Variants in CDK14 observed in about 807,000 individuals in gnomAD.
CDK14 encodes the protein cyclin-dependent kinase 14.
CDK14 carries 34 observed loss-of-function variants against 60.7 expected under a neutral mutation model. That is an observed-to-expected ratio of 0.56 (90% CI 0.43 to 0.75). CDK14 has a LOEUF of 0.75. CDK14 is among the 30% of genes least tolerant of loss of function. CDK14 has a pLI of 0.00. For synonymous variants in CDK14, 197 were observed against 203.7 expected, an observed-to-expected ratio of 0.97 and a Z score of 0.28; for missense variants, 482 against 564.1, an observed-to-expected ratio of 0.85 and a Z score of 1.47.
chr7:90,811,909 A>AC (rs1405496962), intron 5 of CDK14, among the ~76,000 whole-genome samples: 1 of 152,252 alleles, frequency 6.6e-6, no homozygotes, highest in African/African-American at 2.4e-5. Flanking sequence ...AATCAAAGCC[A>AC]CAATGAGATA....
At chr7:91,034,923 T>C (rs1013357003) in intron 10 of CDK14, among the ~76,000 whole-genome samples, 9 of 136,276 alleles carry the variant, frequency 6.6e-5, no homozygotes, top group Admixed American at 4.0e-4. Context: ...CACACCTGTG[T>C]ACACACACAC....
chr7:90,665,839 A>C (rs200126250), intron 2 of CDK14, among the ~76,000 whole-genome samples: 2 of 75,406 alleles, frequency 2.7e-5, no homozygotes. Context: ...GTAGACTGGG[A>C]AGTTGCTTCA....
Position 91,080,741 on chromosome 7 carries a change from A to G in CDK14, c.1154+1261A>G, listed in dbSNP as rs762776011. Among the ~76,000 whole-genome samples, 35 of 152,312 alleles carry G rather than the reference A, an allele frequency of 2.3e-4. No homozygotes were observed. In the Middle Eastern group the frequency reaches 0.014, roughly 59 times the overall value. On this transcript the variant is annotated intron_variant, in intron 12 of 14. Transcript: ENST00000380050. ...CATCATTCCTTCCAACCAGATAACC[A>G]CTTTATGAAACAATTCTTGATAAAG... is the stretch of plus-strand genomic sequence containing the variant.
intron 1 of CDK14, among the ~76,000 whole-genome samples, chr7:90,602,730 A>G (rs1004482113): frequency 3.9e-5 from 6 of 152,250 alleles, no homozygotes; most frequent in African/African-American, 1.4e-4. Context: ...TAAGCCATTC[A>G]CAACAAAGGA....
chr7:90,759,300 A>T (rs1272675320), intron 4 of CDK14, among the ~76,000 whole-genome samples: 1 of 152,192 alleles, frequency 6.6e-6, no homozygotes, highest in African/African-American at 2.4e-5. Context: ...CCAAGCAAAT[A>T]TAATGAGATA....
At chr7:91,014,836 G>A (rs184399678) in intron 10 of CDK14, among the ~76,000 whole-genome samples, 7 of 152,272 alleles carry the variant, frequency 4.6e-5, no homozygotes, top group South Asian at 2.1e-4. Context: ...TGTATGGACC[G>A]ACCATTTCTA....
intron 8 of CDK14, among the ~76,000 whole-genome samples, chr7:90,951,361 T>C (rs1294693228): frequency 6.6e-6 from 1 of 152,198 alleles, no homozygotes; most frequent in Non-Finnish European, 1.5e-5. Context: ...CACAAAGCTT[T>C]GGCCCATTTT....
chr7:90,764,149 C>G (rs1384577474), intron 4 of CDK14, among the ~76,000 whole-genome samples: 3 of 152,094 alleles, frequency 2.0e-5, no homozygotes, highest in African/African-American at 7.2e-5. Context: ...ATCTGTAATG[C>G]AGATTTGTGA....
intron 5 of CDK14, among the ~76,000 whole-genome samples, chr7:90,837,827 T>C (rs3808238): frequency 0.42 from 63,877 of 151,996 alleles, 14,311 homozygotes; most frequent in East Asian, 0.85. Flanking sequence ...CTGGGTTTTG[T>C]AGGATGAACC....
intron 10 of CDK14, among the ~76,000 whole-genome samples, chr7:91,039,842 A>G (rs900701238): frequency 2.0e-5 from 3 of 152,102 alleles, no homozygotes; most frequent in Admixed American, 1.3e-4. Context: ...CCGTAGTCCT[A>G]GAACTTTGGG....
At chr7:90,696,336 C>CTTCTTTTTTTTTTTTTT (rs772009194) in intron 2 of CDK14, among the ~76,000 whole-genome samples, 2 of 125,692 alleles carry the variant, frequency 1.6e-5, no homozygotes, top group African/African-American at 6.2e-5. Flanking sequence ...ACTTCTTCTT[C>CTTCTTTTTTTTTTTTTT]TTTTTTTTTT....
intron 5 of CDK14, among the ~76,000 whole-genome samples, chr7:90,835,136 T>C (rs2117123873): frequency 6.6e-6 from 1 of 152,184 alleles, no homozygotes; most frequent in Middle Eastern, 3.4e-3. Context: ...AAATAATCTG[T>C]CAGAGGTTTT....
chr7:91,063,432 C>T (rs182389277), intron 11 of CDK14, among the ~76,000 whole-genome samples: 132 of 152,356 alleles, frequency 8.7e-4, no homozygotes, highest in Non-Finnish European at 1.7e-3. Flanking sequence ...CCTTCACGTA[C>T]ACTGTCCTTC....
intron 2 of CDK14, among the ~76,000 whole-genome samples, chr7:90,704,538 A>G (rs1163162655): frequency 6.6e-6 from 1 of 152,212 alleles, no homozygotes; most frequent in Non-Finnish European, 1.5e-5. Flanking sequence ...CATTTTCCAC[A>G]TAAGTCCTTT....
At chr7:91,075,906 A>G (rs1798294152) in intron 11 of CDK14, among the ~76,000 whole-genome samples, 1 of 152,056 alleles carries the variant, frequency 6.6e-6, no homozygotes, top group African/African-American at 2.4e-5. Flanking sequence ...GAATACAGCT[A>G]ACAAGGGATG....
At chr7:91,136,529 A>G (rs749561844) in intron 14 of CDK14, among the ~76,000 whole-genome samples, 5 of 152,180 alleles carry the variant, frequency 3.3e-5, no homozygotes, top group Non-Finnish European at 7.4e-5. Flanking sequence ...AATCTTCCAC[A>G]TGAAGCTTAA....
At chr7:90,841,684 A>ACACACACACACG (rs993147358) in intron 5 of CDK14, among the ~76,000 whole-genome samples, 7 of 151,678 alleles carry the variant, frequency 4.6e-5, no homozygotes, top group Admixed American at 1.3e-4. Context: ...ACACACACAC[A>ACACACACACACG]CACACACAGG....
At chr7:91,173,629 C>G (rs1801607870) in intron 14 of CDK14, among the ~76,000 whole-genome samples, 1 of 152,200 alleles carries the variant, frequency 6.6e-6, no homozygotes, top group African/African-American at 2.4e-5. Context: ...CAGGGCGAGG[C>G]ATTGCCTCAC....
chr7:91,016,074 A>G (rs1002727638), intron 10 of CDK14, among the ~76,000 whole-genome samples: 15 of 152,202 alleles, frequency 9.9e-5, no homozygotes, highest in Non-Finnish European at 2.2e-4. Context: ...CATTAAATAA[A>G]TAGATCCCTG....
Sources: allele counts gnomAD v4.1 joint callset (sites outside exome capture counted in the v4.1 genomes callset), GRCh38; gene constraint gnomAD v4.1.1; transcripts MANE v1.5; gene names NCBI Gene and HGNC (gene_info 2026-07-23, HGNC 2026-07-21).